Variants in ZCCHC7 observed in about 807,000 individuals in gnomAD.
The protein encoded by ZCCHC7 is zinc finger CCHC-type containing 7.
Under a neutral mutation model 52.0 loss-of-function variants are expected in ZCCHC7, and 35 were observed. The ratio of observed to expected loss-of-function variants is 0.67; its 90% CI spans 0.51 to 0.89. The LOEUF is 0.89. ZCCHC7 is among the 40% of genes least tolerant of loss of function. ZCCHC7 has a pLI of 0.00. For missense variants in ZCCHC7, 574 were observed against 649.1 expected, an observed-to-expected ratio of 0.88 and a Z score of 1.26; for synonymous variants, 217 against 221.5, an observed-to-expected ratio of 0.98 and a Z score of 0.18.
chr9:37,201,438 C>T (rs903848398), intron 2 of ZCCHC7, among the ~76,000 whole-genome samples: 3 of 152,074 alleles, frequency 2.0e-5, no homozygotes, highest in African/African-American at 7.2e-5. Context: ...GCTTGTACGG[C>T]TAAGGAGCTG....
intron 2 of ZCCHC7, among the ~76,000 whole-genome samples, chr9:37,277,956 C>T (rs1827758578): frequency 6.6e-6 from 1 of 151,510 alleles, no homozygotes; most frequent in Non-Finnish European, 1.5e-5. Flanking sequence ...AACCAAGGGA[C>T]ACTATGGGAT....
rs188135861 is a variant in ZCCHC7 at position 37,183,091 on chromosome 9, A to G, written c.610+56149A>G. 2.4e-3 allele frequency among the ~76,000 whole-genome samples: 373 copies of G among 152,392 alleles called. 2 individuals carry two copies. Among genetic ancestry groups the G allele is most frequent in the African/African-American group, 8.5e-3 (355 of 41,604 alleles). ...TATATTAAAATCAATGTAAACATTT[A>G]TGAAATGTAAATATATTCTATCAAA... is the stretch of plus-strand genomic sequence containing the variant. On this transcript the variant is annotated intron_variant, in intron 2 of 8. Transcript: ENST00000336755.
chr9:37,219,969 A>T (rs1824726178), intron 2 of ZCCHC7, among the ~76,000 whole-genome samples: 1 of 152,230 alleles, frequency 6.6e-6, no homozygotes, highest in South Asian at 2.1e-4. Flanking sequence ...TATTGAGTCC[A>T]TGGGAGAAGT....
At position 37,213,445 on chromosome 9, in the gene ZCCHC7, A is replaced by T. The variant is rs529120365; in HGVS notation, c.610+86503A>T. Reference sequence around the variant, plus strand: ...TTAGTTAAAATTTCAAAAGCAGATCATTCAAGGCAGCAACAGAACCCTTGT... The same window carrying T: ...TTAGTTAAAATTTCAAAAGCAGATCTTTCAAGGCAGCAACAGAACCCTTGT... On this transcript the variant is annotated intron_variant, in intron 2 of 8. Transcript: ENST00000336755. Among the ~76,000 whole-genome samples, 40 of 152,314 alleles carry T rather than the reference A, an allele frequency of 2.6e-4. No individual in the cohort carries two copies. The Middle Eastern group carries it at 0.01, about 39-fold the overall frequency.
intron 2 of ZCCHC7, among the ~76,000 whole-genome samples, chr9:37,157,373 C>T (rs539005823): frequency 1.0e-3 from 154 of 151,954 alleles, no homozygotes; most frequent in African/African-American, 3.5e-3. Flanking sequence ...GCCTGTAGTC[C>T]CAGCTACTTG....
chr9:37,322,713 C>A (rs1410745905), intron 5 of ZCCHC7, among the ~76,000 whole-genome samples: 1 of 150,022 alleles, frequency 6.7e-6, no homozygotes, highest in Non-Finnish European at 1.5e-5. Context: ...TGGCCACAAA[C>A]AGCTGTAGTC....
chr9:37,177,743 CA>C (rs1822121594), intron 2 of ZCCHC7, among the ~76,000 whole-genome samples: 1 of 152,008 alleles, frequency 6.6e-6, no homozygotes, highest in Non-Finnish European at 1.5e-5. Flanking sequence ...TTTCTTTTCC[CA>C]AAACCCATAA....
At chr9:37,227,645 A>G (rs1056169913) in intron 2 of ZCCHC7, among the ~76,000 whole-genome samples, 1 of 152,196 alleles carries the variant, frequency 6.6e-6, no homozygotes, top group Admixed American at 6.6e-5. Flanking sequence ...GTATATTCCT[A>G]CTAGCTGTAT....
intron 2 of ZCCHC7, among the ~76,000 whole-genome samples, chr9:37,180,785 G>A (rs1822310934): frequency 6.6e-6 from 1 of 152,034 alleles, no homozygotes; most frequent in Admixed American, 6.6e-5. Context: ...TTATCAAAAT[G>A]CTTCAAATCA....
chr9:37,250,998 G>A (rs1438446671), intron 2 of ZCCHC7, among the ~76,000 whole-genome samples: 1 of 152,106 alleles, frequency 6.6e-6, no homozygotes, highest in Non-Finnish European at 1.5e-5. Context: ...TTTATTAAAA[G>A]GACTTCATCC....
At chr9:37,316,257 G>C (rs1269592633) in intron 5 of ZCCHC7, among the ~76,000 whole-genome samples, 1 of 151,352 alleles carries the variant, frequency 6.6e-6, no homozygotes, top group Non-Finnish European at 1.5e-5. Flanking sequence ...ATGGGGTTTC[G>C]CCATGTTGTC....
chr9:37,144,913 T>G (rs910499121), intron 2 of ZCCHC7: 1 of 152,022 alleles, frequency 6.6e-6, no homozygotes, highest in Admixed American at 6.6e-5. Context: ...AGGAATTCTT[T>G]TAACTCCTAG....
intron 2 of ZCCHC7, among the ~76,000 whole-genome samples, chr9:37,252,505 C>T (rs1207861207): frequency 6.6e-6 from 1 of 152,004 alleles, no homozygotes; most frequent in Non-Finnish European, 1.5e-5. Context: ...TATTGTCCCC[C>T]GGATATTTTA....
Position 37,126,526 on chromosome 9 carries a change from C to T in ZCCHC7, c.194C>T (p.Ser65Leu), listed in dbSNP as rs558625927. 6.1e-5 allele frequency: 99 copies of T among 1,613,924 alleles called. 3 individuals are homozygous for T. In the South Asian group the frequency reaches 9.0e-4, roughly 15 times the overall value. The change falls in exon 2 of 9, where the codon TCG becomes TTG. Residue 65 changes from serine (S) to leucine (L), a missense_variant. Coordinates refer to ENST00000336755, the MANE Select transcript of ZCCHC7 (RefSeq NM_032226.3). The stretch of plus-strand genomic sequence containing the variant: ...AAGAACTCTGGGAATTCGGAATCTT[C>T]GAGTAGTAAACCAAATCAGAAGAAG... ...EEKNSGNSES[S>L]SSKPNQKKLI...
intron 2 of ZCCHC7, among the ~76,000 whole-genome samples, chr9:37,177,807 TG>T (rs150211976): frequency 0.022 from 3,409 of 152,276 alleles, 61 homozygotes; most frequent in Non-Finnish European, 0.035. Context: ...TGGGACATTC[TG>T]TAGAATACCT....
chr9:37,320,410 C>T (rs1830004569), intron 5 of ZCCHC7, among the ~76,000 whole-genome samples: 1 of 152,172 alleles, frequency 6.6e-6, no homozygotes, highest in Admixed American at 6.5e-5. Context: ...ATAACTTTTG[C>T]TGTTCTAATT....
At chr9:37,186,540 C>G (rs1822665595) in intron 2 of ZCCHC7, among the ~76,000 whole-genome samples, 1 of 152,124 alleles carries the variant, frequency 6.6e-6, no homozygotes. Flanking sequence ...TGACATTATA[C>G]TGTTTAATCT....
At chr9:37,186,984 AAAC>A (rs2133078360) in intron 2 of ZCCHC7, 1 of 257,570 alleles carries the variant, frequency 3.9e-6, no homozygotes, top group South Asian at 1.7e-4. Context: ...AAATAAGTAA[AAAC>A]AATGGATTGA....
rs1022187626 is a variant in ZCCHC7, at chr9:37,163,385, C to CAAAAAAA, written c.610+36456_610+36462dup. ...CCTGGGTGACAGCAAGACTCCATCT[C>CAAAAAAA]AAAAAAAAAAAAAAAAAAAGAAAAG... On this transcript the variant is annotated intron_variant, in intron 2 of 8. Transcript: ENST00000336755. 5.1e-4 allele frequency among the ~76,000 whole-genome samples: 39 copies of CAAAAAAA among 76,768 alleles called. 1 individual carries two copies. Among genetic ancestry groups the CAAAAAAA allele is most frequent in the African/African-American group, 6.2e-4 (14 of 22,446 alleles). 50.4% of individuals were successfully genotyped at this position (76,768 alleles called of 152,430 possible).
Sources: gnomAD v4.1 joint callset for allele counts (sites outside exome capture counted in the v4.1 genomes callset) on GRCh38, gnomAD v4.1.1 for gene constraint, MANE v1.5 for transcripts, NCBI Gene and HGNC (gene_info 2026-07-23, HGNC 2026-07-21) for gene names.